DIS3L2: variants seen among roughly 807,000 people sequenced by gnomAD.
DIS3L2 encodes the protein DIS3-like exonuclease 2.
In DIS3L2, 34 loss-of-function variants were observed where a neutral mutation model predicts 97.5. The ratio of observed to expected loss-of-function variants is 0.35; its 90% CI spans 0.27 to 0.46. The LOEUF is 0.46. Among genes scored for constraint, DIS3L2 ranks in the 20% least tolerant of loss-of-function variants. The pLI is 1.00. For missense variants in DIS3L2, 1,038 were observed against 1,146.0 expected (o/e 0.91, Z 1.36); for synonymous variants, 435 against 445.2 (o/e 0.98, Z 0.29).
chr2:232,136,468 T>G lies in DIS3L2; in HGVS notation c.703-4T>G, dbSNP rs1269804057. Reference sequence around the variant, plus strand: ...AACATTGACTATATCTTTGGTGTTTTTAGGTGGTTTACATCTTGGAGAAAA... The same window carrying G: ...AACATTGACTATATCTTTGGTGTTTGTAGGTGGTTTACATCTTGGAGAAAA... On this transcript the variant is annotated splice_region_variant and splice_polypyrimidine_tract_variant and intron_variant, in intron 7 of 20. Transcript: ENST00000325385. 6.2e-7 allele frequency: 1 copy of G among 1,613,682 alleles called. No individual in the cohort carries two copies. The highest frequency in any genetic ancestry group is 8.5e-7 in the Non-Finnish European group (1 of 1,179,784).
chr2:232,097,521 A>C (rs200746546), intron 6 of DIS3L2, among the ~76,000 whole-genome samples: 1 of 152,026 alleles, frequency 6.6e-6, no homozygotes, highest in East Asian at 1.9e-4. Context: ...TGTGGCTGCC[A>C]CCACTACAGA....
chr2:232,143,816 G>C (rs1426200829), intron 8 of DIS3L2, among the ~76,000 whole-genome samples: 1 of 151,818 alleles, frequency 6.6e-6, no homozygotes, highest in Admixed American at 6.6e-5. Flanking sequence ...TTCCCTGTCT[G>C]TTCTCCTGTA....
intron 6 of DIS3L2, among the ~76,000 whole-genome samples, chr2:232,107,426 G>A (rs1482829989): frequency 3.9e-5 from 6 of 152,138 alleles, no homozygotes; most frequent in South Asian, 2.1e-4. Flanking sequence ...TAGGCTGGGC[G>A]CAGTGGCTCA....
chr2:232,312,434 C>G (rs553666446), intron 14 of DIS3L2, among the ~76,000 whole-genome samples: 65 of 152,334 alleles, frequency 4.3e-4, no homozygotes, highest in African/African-American at 1.3e-3. Flanking sequence ...TCTGTTTCTG[C>G]TCTCCATTCT....
At chr2:231,970,872 T>C (rs1050011278) in intron 1 of DIS3L2, among the ~76,000 whole-genome samples, 1 of 152,218 alleles carries the variant, frequency 6.6e-6, no homozygotes. Context: ...ACAAACACAT[T>C]GTACAGCTGT....
At chr2:232,046,146 G>T (rs1695236252) in intron 5 of DIS3L2, among the ~76,000 whole-genome samples, 1 of 152,164 alleles carries the variant, frequency 6.6e-6, no homozygotes, top group Non-Finnish European at 1.5e-5. Flanking sequence ...ACTATCTTCA[G>T]TCTGTAAGCA....
intron 10 of DIS3L2, among the ~76,000 whole-genome samples, chr2:232,218,289 CAGAT>C (rs954261111): frequency 2.0e-5 from 3 of 152,218 alleles, no homozygotes; most frequent in Admixed American, 1.3e-4. Flanking sequence ...GTGCACATCA[CAGAT>C]AGTATAGAGA....
chr2:232,086,611 G>GTATATATA lies in DIS3L2; in HGVS notation c.367-875_367-874insATATATAT, dbSNP rs1445271893. Among the ~76,000 whole-genome samples, 130 of 58,048 alleles carry GTATATATA rather than the reference G, an allele frequency of 2.2e-3. 5 individuals carry two copies. Among genetic ancestry groups the GTATATATA allele is most frequent in the African/African-American group, 7.7e-3 (126 of 16,334 alleles). 38.1% of individuals were successfully genotyped at this position (58,048 alleles called of 152,430 possible). ...AATATATATATATATATGTGTGTGT[G>GTATATATA]TGTATATATATATATATACACATAT... is the stretch of plus-strand genomic sequence containing the variant. On this transcript the variant is annotated intron_variant, in intron 5 of 20. Coordinates refer to ENST00000325385, the MANE Select transcript of DIS3L2 (RefSeq NM_152383.5).
At chr2:232,309,964 C>T (rs1331104555) in intron 14 of DIS3L2, among the ~76,000 whole-genome samples, 1 of 152,210 alleles carries the variant, frequency 6.6e-6, no homozygotes, top group African/African-American at 2.4e-5. Context: ...TTGCCTTTGC[C>T]TTCATCCTGA....
intron 10 of DIS3L2, among the ~76,000 whole-genome samples, chr2:232,233,643 A>T (rs1436215856): frequency 6.6e-6 from 1 of 152,236 alleles, no homozygotes; most frequent in Non-Finnish European, 1.5e-5. Flanking sequence ...GTAAAAGTGA[A>T]TGAAGTGACC....
At chr2:232,109,512 G>A (rs1449957691) in intron 6 of DIS3L2, among the ~76,000 whole-genome samples, 1 of 152,090 alleles carries the variant, frequency 6.6e-6, no homozygotes, top group African/African-American at 2.4e-5. Context: ...AACCAAAACA[G>A]CATGGTATTG....
At chr2:232,226,969 CAAA>C (rs963427251) in intron 10 of DIS3L2, among the ~76,000 whole-genome samples, 18 of 151,334 alleles carry the variant, frequency 1.2e-4, no homozygotes, top group African/African-American at 4.1e-4. Flanking sequence ...GACCCTGTCT[CAAA>C]AACAAACAAA....
intron 9 of DIS3L2, among the ~76,000 whole-genome samples, chr2:232,204,241 G>A (rs965528568): frequency 6.6e-6 from 1 of 152,206 alleles, no homozygotes; most frequent in African/African-American, 2.4e-5. Context: ...AAAGGAGGTA[G>A]AGATGTTAAT....
intron 8 of DIS3L2, among the ~76,000 whole-genome samples, chr2:232,157,525 A>G (rs1690525214): frequency 6.6e-6 from 1 of 152,242 alleles, no homozygotes; most frequent in African/African-American, 2.4e-5. Flanking sequence ...GAGTGCGATA[A>G]TAGCTTAAAA....
chr2:232,121,430 A>G (rs867522723), intron 6 of DIS3L2, among the ~76,000 whole-genome samples: 1 of 152,198 alleles, frequency 6.6e-6, no homozygotes, highest in Non-Finnish European at 1.5e-5. Flanking sequence ...CTCCCAGGGA[A>G]AGAGTCTACT....
At chr2:232,155,170 G>A (rs973262361) in intron 8 of DIS3L2, among the ~76,000 whole-genome samples, 7 of 142,410 alleles carry the variant, frequency 4.9e-5, no homozygotes, top group Admixed American at 1.3e-4. Context: ...CTTCTGCGTC[G>A]CTCACGCTGG....
At chr2:232,263,078 C>T (rs1266965315) in intron 12 of DIS3L2, 129 bp from the exon 13 acceptor site, 1 of 983,904 alleles carries the variant, frequency 1.0e-6, no homozygotes, top group Non-Finnish European at 1.5e-6. Flanking sequence ...CTGAACCTGC[C>T]ACCATTCCGA....
chr2:232,323,386 G>A (rs1259988902), intron 14 of DIS3L2, among the ~76,000 whole-genome samples: 13 of 152,234 alleles, frequency 8.5e-5, no homozygotes, highest in Admixed American at 8.5e-4. Flanking sequence ...ACGGCCACTG[G>A]GGCTCCCTTT....
intron 10 of DIS3L2, among the ~76,000 whole-genome samples, chr2:232,236,480 C>G (rs956256242): frequency 2.0e-5 from 3 of 152,170 alleles, no homozygotes; most frequent in African/African-American, 7.2e-5. Flanking sequence ...TCCTGAAGTT[C>G]AAATGAGGTC....
Sources: allele counts gnomAD v4.1 joint callset (sites outside exome capture counted in the v4.1 genomes callset), GRCh38; gene constraint gnomAD v4.1.1; transcripts MANE v1.5; gene names NCBI Gene and HGNC (gene_info 2026-07-23, HGNC 2026-07-21).